SLC36A1: variants seen among roughly 807,000 people sequenced by gnomAD.
The protein encoded by SLC36A1 is solute carrier family 36 member 1.
A neutral mutation model predicts 47.5 loss-of-function variants in SLC36A1; 30 were observed. The observed-to-expected ratio is 0.63, with a 90% CI of 0.47 to 0.86. The LOEUF (loss-of-function observed/expected upper bound fraction) is 0.86, where lower values mean the gene tolerates loss of function less well. Ranked by LOEUF, SLC36A1 falls within the 40% of genes least tolerant of loss-of-function variation. SLC36A1 has a pLI of 0.00. For synonymous variants in SLC36A1, 255 were observed against 249.7 expected (o/e 1.02, Z -0.20); for missense variants, 517 against 606.0 (o/e 0.85, Z 1.54).
the SLC36A1 span, among the ~76,000 whole-genome samples, chr5:151,391,798 G>C: frequency 6.6e-6 from 1 of 152,146 alleles, no homozygotes; most frequent in African/African-American, 2.4e-5. Flanking sequence ...GCTGGATTCA[G>C]TTTGCCAGTA....
intron 1 of SLC36A1, among the ~76,000 whole-genome samples, chr5:151,451,750 A>G (rs1003884792): frequency 1.3e-5 from 2 of 152,208 alleles, no homozygotes; most frequent in Admixed American, 1.3e-4. Context: ...TAACTTGCTC[A>G]GAGTCACACT....
At chr5:151,527,141 G>A in the SLC36A1 span, 1 of 1,287,588 alleles carries the variant, frequency 7.8e-7, no homozygotes, top group Non-Finnish European at 1.1e-6. Context: ...CACAGTCATT[G>A]TTCATGTGGA....
chr5:151,520,325 G>A, the SLC36A1 span, among the ~76,000 whole-genome samples: 2 of 152,252 alleles, frequency 1.3e-5, no homozygotes, highest in East Asian at 3.8e-4. Flanking sequence ...GAGGAGCTTA[G>A]TGAAGAGTTC....
In SLC36A1 at chr5:151,467,694, C is replaced by T. The variant is rs1180508691; in HGVS notation, c.505-13C>T. On this transcript the variant is annotated splice_polypyrimidine_tract_variant and intron_variant, in intron 6 of 10. Transcript: ENST00000243389. ...GAGAGGTGTTTCCGTTTTCTTCCTT[C>T]CCCTCATTCTAGGTGATAGAAGCGG... 4 of 1,609,834 alleles carry T rather than the reference C, an allele frequency of 2.5e-6. No individual in the cohort carries two copies. Among genetic ancestry groups the T allele is most frequent in the Admixed American group, 1.7e-5 (1 of 60,012 alleles).
Position 151,464,587 on chromosome 5 carries a change from A to G in SLC36A1, c.308A>G (p.His103Arg). 2.5e-6 allele frequency: 4 copies of G among 1,614,062 alleles called. No individual in the cohort carries two copies. The highest frequency in any genetic ancestry group is 1.1e-5 in the South Asian group (1 of 91,074). The change falls in exon 4 of 11, where the codon CAC (histidine) becomes CGC (arginine). Residue 103 changes from histidine (H) to arginine (R), a missense_variant. Coordinates refer to ENST00000243389, the MANE Select transcript of SLC36A1 (RefSeq NM_078483.4). ...HCMGILVKCA[H>R]HFCRRLNKSF... is the part of the protein sequence containing the mutation. Reference sequence around the variant, plus strand: ...ATGGGTATCCTGGTGAAATGTGCTCACCACTTCTGCCGCAGGTGAGAGCCC... The same window carrying G: ...ATGGGTATCCTGGTGAAATGTGCTCGCCACTTCTGCCGCAGGTGAGAGCCC...
chr5:151,466,950 C>A (rs1231379624), intron 5 of SLC36A1, among the ~76,000 whole-genome samples: 1 of 152,072 alleles, frequency 6.6e-6, no homozygotes, highest in Admixed American at 6.5e-5. Context: ...TTGTCACTGC[C>A]AGGAAGGGTC....
At chr5:151,408,871 ATTTG>A in the SLC36A1 span, among the ~76,000 whole-genome samples, 6 of 151,988 alleles carry the variant, frequency 3.9e-5, no homozygotes, top group African/African-American at 1.2e-4. Context: ...TCCAGGAAGG[ATTTG>A]TTTGTTTGTT....
At chr5:151,399,963 ATTTT>A in the SLC36A1 span, among the ~76,000 whole-genome samples, 1 of 152,126 alleles carries the variant, frequency 6.6e-6, no homozygotes, top group Non-Finnish European at 1.5e-5. Context: ...TATAATCCCC[ATTTT>A]ACAGATGAGA....
At chr5:151,550,520 TCTC>T in the SLC36A1 span, 1 of 1,529,302 alleles carries the variant, frequency 6.5e-7, no homozygotes, top group Admixed American at 1.7e-5. Flanking sequence ...CTTCAGCATG[TCTC>T]CAAGCATGTC....
chr5:151,408,283 G>A, the SLC36A1 span, among the ~76,000 whole-genome samples: 6 of 152,074 alleles, frequency 3.9e-5, no homozygotes, highest in African/African-American at 1.4e-4. Flanking sequence ...CTGCCTCCCG[G>A]GTTCAAGTGA....
the SLC36A1 span, among the ~76,000 whole-genome samples, chr5:151,519,698 G>C: frequency 5.9e-5 from 9 of 151,966 alleles, no homozygotes; most frequent in Non-Finnish European, 1.0e-4. Flanking sequence ...AATTATTTGA[G>C]GTGTGTACTT....
At chr5:151,458,700 A>G (rs947652710) in intron 1 of SLC36A1, 88 bp from the exon 2 acceptor site, 9 of 1,418,496 alleles carry the variant, frequency 6.3e-6, no homozygotes, top group Admixed American at 2.1e-5. Context: ...AACTCTGACA[A>G]TGACAGCTTC....
At chr5:151,363,089 C>T in the SLC36A1 span, among the ~76,000 whole-genome samples, 53,809 of 152,008 alleles carry the variant, frequency 0.35, 9,772 homozygotes, top group South Asian at 0.43. Context: ...CTTAGAGATT[C>T]TTTGTTATTT....
At chr5:151,371,616 A>C in the SLC36A1 span, among the ~76,000 whole-genome samples, 1 of 152,232 alleles carries the variant, frequency 6.6e-6, no homozygotes, top group South Asian at 2.1e-4. Context: ...CTAATATTCT[A>C]TCTTGTTATC....
chr5:151,409,327 T>A, the SLC36A1 span, among the ~76,000 whole-genome samples: 1 of 152,104 alleles, frequency 6.6e-6, no homozygotes, highest in African/African-American at 2.4e-5. Flanking sequence ...AGATTTTCAT[T>A]GTTGCTCAGG....
the SLC36A1 span, among the ~76,000 whole-genome samples, chr5:151,528,799 C>G: frequency 2.6e-4 from 40 of 152,084 alleles, no homozygotes; most frequent in African/African-American, 9.7e-4. Flanking sequence ...TTGGTGTCCC[C>G]TCAGTCCCTG....
the SLC36A1 span, chr5:151,529,281 A>G: frequency 1.9e-6 from 3 of 1,614,048 alleles, no homozygotes; most frequent in South Asian, 1.1e-5. Context: ...GATGTTGACC[A>G]TGACTGTGGT....
chr5:151,474,510 T>G lies in SLC36A1; in HGVS notation c.822+739T>G, dbSNP rs367583391. ...GCTTAATGATTCGTAGTTATTAGGA[T>G]TAAATGAGATATGTGCAAAATGCTT... On this transcript the variant is annotated intron_variant, in intron 8 of 10. Transcript: ENST00000243389. 1.5e-3 allele frequency among the ~76,000 whole-genome samples: 232 copies of G among 152,340 alleles called. 1 individual carries two copies. Among genetic ancestry groups the G allele is most frequent in the African/African-American group, 5.1e-3 (213 of 41,574 alleles).
chr5:151,517,192 A>G, the SLC36A1 span, among the ~76,000 whole-genome samples: 5 of 152,324 alleles, frequency 3.3e-5, no homozygotes, highest in African/African-American at 9.6e-5. Context: ...GACCTTCCAC[A>G]TGACATAATC....
Sources: allele counts gnomAD v4.1 joint callset (sites outside exome capture counted in the v4.1 genomes callset), GRCh38; gene constraint gnomAD v4.1.1; transcripts MANE v1.5; gene names NCBI Gene and HGNC (gene_info 2026-07-23, HGNC 2026-07-21).